NHSL2: variants seen among roughly 807,000 people sequenced by gnomAD.
The protein encoded by NHSL2 is NHS-like protein 2.
Under a neutral mutation model 53.4 loss-of-function variants are expected in NHSL2, and 27 were observed. That is an observed-to-expected ratio of 0.51 (90% CI 0.37 to 0.70). NHSL2 has a LOEUF of 0.70. Ranked by LOEUF, NHSL2 falls within the 30% of genes least tolerant of loss-of-function variation. The pLI is 0.00. For missense variants in NHSL2, 892 were observed against 980.1 expected, an observed-to-expected ratio of 0.91 and a Z score of 1.20; for synonymous variants, 408 against 404.1, an observed-to-expected ratio of 1.01 and a Z score of -0.12.
At chrX:71,981,704 C>T (rs1231440851) in intron 1 of NHSL2, among the ~76,000 whole-genome samples, 2 of 111,203 alleles carry the variant, frequency 1.8e-5, no homozygotes, top group Non-Finnish European at 3.8e-5. Context: ...ATACAAATGG[C>T]CAACAAGTAC....
intron 1 of NHSL2, among the ~76,000 whole-genome samples, chrX:72,118,384 T>C (rs949572902): frequency 8.9e-6 from 1 of 112,297 alleles, no homozygotes; most frequent in Admixed American, 9.5e-5. Flanking sequence ...ACAAGTCTCT[T>C]ATCAAACATA....
intron 1 of NHSL2, among the ~76,000 whole-genome samples, chrX:71,986,888 A>G: frequency 8.9e-6 from 1 of 112,131 alleles, no homozygotes; most frequent in African/African-American, 3.2e-5. Context: ...AATTTTTCAC[A>G]AACCTTCCAT....
At position 72,010,605 on chromosome X, in the gene NHSL2, C is replaced by G. The variant is rs140958464; in HGVS notation, c.280+99238C>G. Among the ~76,000 whole-genome samples, 287 of 112,117 alleles carry G rather than the reference C, an allele frequency of 2.6e-3. 2 individuals are homozygous for G. The highest frequency in any genetic ancestry group is 8.9e-3 in the African/African-American group (275 of 30,878). On this transcript the variant is annotated intron_variant, in intron 1 of 7. Coordinates refer to ENST00000633930, the MANE Select transcript of NHSL2 (RefSeq NM_001013627.3). ...TACTTAAAAATAAATGGTGTCACAC[C>G]ATATATACTAATCTGCTTTTTTTCA... is the stretch of plus-strand genomic sequence containing the variant.
At chrX:72,045,618 C>T (rs1417478284) in intron 1 of NHSL2, among the ~76,000 whole-genome samples, 1 of 111,923 alleles carries the variant, frequency 8.9e-6, no homozygotes, top group African/African-American at 3.3e-5. Context: ...GAGGGAACCC[C>T]CCAGTCCCCG....
intron 1 of NHSL2, among the ~76,000 whole-genome samples, chrX:72,123,707 G>A (rs2042199303): frequency 8.9e-6 from 1 of 112,125 alleles, no homozygotes. Flanking sequence ...CCAGGCCGTG[G>A]GACCTTCGCC....
rs1270067775 is a variant in NHSL2, at chrX:72,150,402, A to G, written c.*6828A>G. On this transcript the variant is annotated 3_prime_UTR_variant, in exon 8 of 8. Coordinates refer to ENST00000633930, the MANE Select transcript of NHSL2 (RefSeq NM_001013627.3). ...TTTATTTAAAAGTAGGGTACAACCC[A>G]ACCAATATTAGCTTTCCCAGAGTCT... 2.7e-5 allele frequency: 3 copies of G among 112,108 alleles called. No homozygotes were observed. Among genetic ancestry groups the G allele is most frequent in the South Asian group, 3.7e-4 (1 of 2,723 alleles). 9.2% of individuals were successfully genotyped at this position (112,108 alleles called of 1,213,427 possible). A position where few individuals can be genotyped will look rare whatever the true frequency, so the allele number is the denominator to read the frequency against.
At chrX:72,103,255 G>A (rs756709948) in intron 1 of NHSL2, among the ~76,000 whole-genome samples, 2 of 110,837 alleles carry the variant, frequency 1.8e-5, no homozygotes, top group Non-Finnish European at 3.8e-5. Context: ...ATTATGCATC[G>A]CTCCCTCAAT....
chrX:72,009,166 G>A (rs2042105975), intron 1 of NHSL2, among the ~76,000 whole-genome samples: 1 of 112,458 alleles, frequency 8.9e-6, no homozygotes, highest in Non-Finnish European at 1.9e-5. Flanking sequence ...TATCAGGAAG[G>A]ATCCCTGGAG....
chrX:72,004,701 G>T (rs2042086150), intron 1 of NHSL2, among the ~76,000 whole-genome samples: 2 of 107,085 alleles, frequency 1.9e-5, no homozygotes, highest in Non-Finnish European at 3.9e-5. Context: ...AGTCCCAGGG[G>T]ACTGTCTGCT....
intron 1 of NHSL2, among the ~76,000 whole-genome samples, chrX:71,930,246 G>C (rs1198420120): frequency 8.9e-6 from 1 of 111,998 alleles, no homozygotes; most frequent in African/African-American, 3.2e-5. Flanking sequence ...CCTCATTTCT[G>C]TTCCTCACCA....
At chrX:71,933,039 C>T (rs1178712600) in intron 1 of NHSL2, among the ~76,000 whole-genome samples, 2 of 112,366 alleles carry the variant, frequency 1.8e-5, no homozygotes, top group East Asian at 5.6e-4. Context: ...CTCCCACAGA[C>T]ACCAAGTGTT....
chrX:72,034,961 T>C (rs1214967262), intron 1 of NHSL2, among the ~76,000 whole-genome samples: 1 of 112,246 alleles, frequency 8.9e-6, no homozygotes, highest in Non-Finnish European at 1.9e-5. Flanking sequence ...TTTGGGTTTA[T>C]CTTTCTCTTC....
At chrX:72,070,180 C>T (rs762217998) in intron 1 of NHSL2, among the ~76,000 whole-genome samples, 12 of 108,741 alleles carry the variant, frequency 1.1e-4, no homozygotes, top group Non-Finnish European at 1.7e-4. Context: ...CCCCCATACC[C>T]GCCCTGAACA....
intron 1 of NHSL2, among the ~76,000 whole-genome samples, chrX:71,951,452 C>T (rs972588839): frequency 8.9e-6 from 1 of 111,931 alleles, no homozygotes; most frequent in African/African-American, 3.3e-5. Flanking sequence ...ACTGTTTTCC[C>T]TACTGGCTGC....
chrX:72,049,179 C>T (rs1264575433), intron 1 of NHSL2, among the ~76,000 whole-genome samples: 1 of 111,123 alleles, frequency 9.0e-6, no homozygotes, highest in African/African-American at 3.3e-5. Flanking sequence ...GCAAAGTGGA[C>T]TGGCAGGGGC....
At chrX:72,090,610 G>T (rs1198363995) in intron 1 of NHSL2, among the ~76,000 whole-genome samples, 2 of 111,499 alleles carry the variant, frequency 1.8e-5, no homozygotes, top group African/African-American at 6.5e-5. Context: ...TCTGTGGAAA[G>T]AAATTCAACA....
chrX:71,993,825 G>A (rs746991635), intron 1 of NHSL2, among the ~76,000 whole-genome samples: 2 of 109,795 alleles, frequency 1.8e-5, no homozygotes, highest in Non-Finnish European at 3.8e-5. Flanking sequence ...CATAATGCCT[G>A]TCTTTTTACA....
intron 1 of NHSL2, chrX:72,069,611 TAGG>T (rs1206877283): frequency 1.3e-3 from 904 of 693,476 alleles, no homozygotes; most frequent in Middle Eastern, 2.3e-3. Context: ...GGAGGAGGAG[TAGG>T]AGGAGGAGGA....
At chrX:72,074,784 C>T (rs937090955) in intron 1 of NHSL2, among the ~76,000 whole-genome samples, 1 of 112,559 alleles carries the variant, frequency 8.9e-6, no homozygotes, top group African/African-American at 3.2e-5. Context: ...AAACACAAAA[C>T]TGTTTCTATG....
Sources: gnomAD v4.1 joint callset for allele counts (sites outside exome capture counted in the v4.1 genomes callset) on GRCh38, gnomAD v4.1.1 for gene constraint, MANE v1.5 for transcripts, NCBI Gene and HGNC (gene_info 2026-07-23, HGNC 2026-07-21) for gene names.